Variants in CD302 observed in about 807,000 individuals in gnomAD.
CD302 encodes the protein CD302 antigen.
In CD302, 23 loss-of-function variants were observed where a neutral mutation model predicts 26.5. The observed-to-expected ratio is 0.87, with a 90% CI of 0.62 to 1.23. The LOEUF (loss-of-function observed/expected upper bound fraction) is 1.23. CD302 is among the 50% of genes most tolerant of loss of function. The pLI is 0.00. For synonymous variants in CD302, 90 were observed against 99.4 expected (o/e 0.91, Z 0.56); for missense variants, 290 against 275.5 (o/e 1.05, Z -0.37).
At position 159,770,552 on chromosome 2, in the gene CD302, G is replaced by C. The variant is rs1708110048; in HGVS notation, c.*1299C>G. ...AGAAGAAAGTAAGATAATTGATGGG[G>C]TGTGGATTCAGAAGAGGGATTACTT... On this transcript the variant is annotated 3_prime_UTR_variant, in exon 6 of 6. Transcript: ENST00000259053. 6.6e-6 allele frequency: 1 copy of C among 152,188 alleles called. No homozygotes were observed. The highest frequency in any genetic ancestry group is 1.5e-5 in the Non-Finnish European group (1 of 68,034). 9.4% of individuals were successfully genotyped at this position (152,188 alleles called of 1,614,324 possible).
At chr2:159,793,577 G>C (rs1392041140) in intron 1 of CD302, among the ~76,000 whole-genome samples, 1 of 152,130 alleles carries the variant, frequency 6.6e-6, no homozygotes. Context: ...ATTAAGATAT[G>C]AGTTGTAGTC....
chr2:159,782,460 C>A (rs1708546632), intron 2 of CD302, among the ~76,000 whole-genome samples: 1 of 140,924 alleles, frequency 7.1e-6, no homozygotes, highest in Non-Finnish European at 1.5e-5. Context: ...TGGCTGGATG[C>A]AGTGGCTCAC....
chr2:159,796,565 G>T (rs1005154606), intron 1 of CD302, among the ~76,000 whole-genome samples: 1 of 152,128 alleles, frequency 6.6e-6, no homozygotes, highest in Non-Finnish European at 1.5e-5. Context: ...AACTAGCTAG[G>T]TCAAAGCTCA....
chr2:159,775,582 G>A (rs7564585), intron 5 of CD302, among the ~76,000 whole-genome samples: 76,141 of 152,072 alleles, frequency 0.5, 19,389 homozygotes, highest in Middle Eastern at 0.63. Flanking sequence ...CTATTTATCT[G>A]TCTCCATGTC....
chr2:159,774,330 T>G (rs1177031091), intron 5 of CD302, among the ~76,000 whole-genome samples: 2 of 152,188 alleles, frequency 1.3e-5, no homozygotes, highest in Admixed American at 6.5e-5. Flanking sequence ...ATCTGGAAAT[T>G]TATAGACTTC....
chr2:159,787,201 AGATAC>A (rs1192949265), intron 1 of CD302, among the ~76,000 whole-genome samples: 1 of 152,200 alleles, frequency 6.6e-6, no homozygotes, highest in Non-Finnish European at 1.5e-5. Flanking sequence ...CAGCTTTCAC[AGATAC>A]TGCCAAACAC....
At chr2:159,774,001 AT>A (rs1344322868) in intron 5 of CD302, among the ~76,000 whole-genome samples, 4 of 152,120 alleles carry the variant, frequency 2.6e-5, no homozygotes, top group Non-Finnish European at 5.9e-5. Flanking sequence ...TTCTTCAGAA[AT>A]TTCTGTGGCA....
chr2:159,770,966 A>C lies in CD302; in HGVS notation c.*885T>G, dbSNP rs1263867888. The C allele has an allele frequency of 6.6e-6, 1 of 152,170 alleles. No homozygotes were observed. Among genetic ancestry groups the C allele is most frequent in the Non-Finnish European group, 1.5e-5 (1 of 67,996 alleles). The allele number at this position is 152,170 out of a possible 1,614,324, so 9.4% of individuals were successfully genotyped here. A position where few individuals can be genotyped will look rare whatever the true frequency, so the allele number is the denominator to read the frequency against. ...AGCTTTTTCATTTTTTTACTCCCCA[A>C]ATGATTTTCACCTTTTTCTTAAAAT... On this transcript the variant is annotated 3_prime_UTR_variant, in exon 6 of 6. Coordinates refer to ENST00000259053, the MANE Select transcript of CD302 (RefSeq NM_014880.5).
chr2:159,788,791 T>C (rs1015182867), intron 1 of CD302, among the ~76,000 whole-genome samples: 2 of 152,226 alleles, frequency 1.3e-5, no homozygotes, highest in Non-Finnish European at 2.9e-5. Context: ...TTTTCATTGG[T>C]CACTTTTGAA....
chr2:159,784,345 G>GC (rs1708604268), intron 1 of CD302, among the ~76,000 whole-genome samples: 1 of 89,460 alleles, frequency 1.1e-5, no homozygotes, highest in Non-Finnish European at 2.3e-5. Context: ...TTTAAGTTCT[G>GC]CTTTTTTTTT....
In CD302 at chr2:159,783,365, C is replaced by T. The variant is rs771289628; in HGVS notation, c.172G>A (p.Asp58Asn). ...SIEDVRNQCTDHGADMISIHN... is the reference protein window; with the variant it reads ...SIEDVRNQCTNHGADMISIHN... ...AAAAGAATAAGCCTTTTACCATGGT[C>T]AGTACACTGATTTCTGACATCCTCT... The change falls in exon 2 of 6, where the codon GAC becomes AAC. Residue 58 changes from aspartate (D) to asparagine (N), a missense_variant. Transcript: ENST00000259053. The T allele has an allele frequency of 3.8e-6, 6 of 1,597,882 alleles. No homozygotes were observed. In the East Asian group the frequency reaches 1.3e-4, roughly 36 times the overall value.
chr2:159,795,224 GA>G (rs1209872583), intron 1 of CD302, among the ~76,000 whole-genome samples: 262 of 133,922 alleles, frequency 2.0e-3, no homozygotes, highest in Middle Eastern at 4.1e-3. Context: ...CTCCATCTCG[GA>G]AAAAAAAAAA....
At chr2:159,773,729 CAA>C (rs1381256510) in intron 5 of CD302, among the ~76,000 whole-genome samples, 2 of 152,092 alleles carry the variant, frequency 1.3e-5, no homozygotes, top group Non-Finnish European at 2.9e-5. Context: ...TGTATTAAAA[CAA>C]TGTGTAGTTT....
Position 159,780,000 on chromosome 2 carries a change from C to T in CD302, c.469+5G>A. ...GAATGGAAAAACACCTTCGGTCATA[C>T]TTACTAGCTGTTTTGCATAGTGTTC... On this transcript the variant is annotated splice_donor_5th_base_variant and intron_variant, in intron 4 of 5. Coordinates refer to ENST00000259053, the MANE Select transcript of CD302 (RefSeq NM_014880.5). 6.2e-7 allele frequency: 1 copy of T among 1,610,128 alleles called. No individual in the cohort carries two copies. Among genetic ancestry groups the T allele is most frequent in the Non-Finnish European group, 8.5e-7 (1 of 1,177,810 alleles).
At chr2:159,795,252 G>T (rs1708921948) in intron 1 of CD302, among the ~76,000 whole-genome samples, 1 of 151,700 alleles carries the variant, frequency 6.6e-6, no homozygotes, top group African/African-American at 2.4e-5. Context: ...GAAAGAAAAG[G>T]TGGCAGCAAT....
chr2:159,775,909 T>TTTTG (rs899458239), intron 5 of CD302, among the ~76,000 whole-genome samples: 1 of 150,404 alleles, frequency 6.6e-6, no homozygotes, highest in African/African-American at 2.4e-5. Context: ...TTTGTGGTGG[T>TTTTG]TTTGTTTTGT....
chr2:159,791,312 C>T (rs1409541968), intron 1 of CD302, among the ~76,000 whole-genome samples: 2 of 152,176 alleles, frequency 1.3e-5, no homozygotes, highest in African/African-American at 4.8e-5. Context: ...TATACTAGGC[C>T]CCATATTGGG....
chr2:159,789,105 A>T (rs1708741262), intron 1 of CD302, among the ~76,000 whole-genome samples: 1 of 151,512 alleles, frequency 6.6e-6, no homozygotes. Flanking sequence ...GCAGCCTTGA[A>T]CTCCTGGGCT....
At chr2:159,788,496 G>A (rs999882622) in intron 1 of CD302, among the ~76,000 whole-genome samples, 2 of 152,204 alleles carry the variant, frequency 1.3e-5, no homozygotes, top group Non-Finnish European at 2.9e-5. Flanking sequence ...TTTGCACAAT[G>A]ACAAAATTGC....
Sources: allele counts gnomAD v4.1 joint callset (sites outside exome capture counted in the v4.1 genomes callset), GRCh38; gene constraint gnomAD v4.1.1; transcripts MANE v1.5; gene names NCBI Gene and HGNC (gene_info 2026-07-23, HGNC 2026-07-21).